Variants in NPIPB2 observed in about 807,000 individuals in gnomAD.
NPIPB2 encodes nuclear pore complex-interacting protein family member B2.
NPIPB2 carries 27 observed loss-of-function variants against 30.8 expected under a neutral mutation model. That is an observed-to-expected ratio of 0.88 (90% CI 0.65 to 1.21). The LOEUF (loss-of-function observed/expected upper bound fraction) is 1.21. Among genes scored for constraint, NPIPB2 ranks in the 50% most tolerant of loss-of-function variants. NPIPB2 has a pLI of 0.00. For missense variants in NPIPB2, 440 were observed against 446.2 expected, an observed-to-expected ratio of 0.99 and a Z score of 0.13; for synonymous variants, 147 against 162.0, an observed-to-expected ratio of 0.91 and a Z score of 0.70.
In NPIPB2 at chr16:11,927,501, T is replaced by TCC; in HGVS notation, c.1064_1065dup (p.Arg356GlyfsTer32). ...GGTGGTGATTCCACCTCAGCGGCCC[T>TCC]CCGCCTCTTGGGTTCGGGTGGTGAT... is the stretch of plus-strand genomic sequence containing the variant. On this transcript the variant is annotated frameshift_variant, in exon 8 of 8. Coordinates refer to ENST00000399147, the Ensembl canonical transcript of NPIPB2. LOFTEE classifies it high-confidence loss of function. 6.6e-7 allele frequency: 1 copy of TCC among 1,512,328 alleles called. No individual in the cohort carries two copies. The highest frequency in any genetic ancestry group is 2.4e-5 in the East Asian group (1 of 42,018). 93.7% of individuals were successfully genotyped at this position (1,512,328 alleles called of 1,614,324 possible).
intron 1 of NPIPB2, among the ~76,000 whole-genome samples, chr16:11,938,383 T>C (rs1814638722): frequency 1.3e-5 from 2 of 151,920 alleles, no homozygotes; most frequent in South Asian, 4.1e-4. Flanking sequence ...CAGGCTGGAG[T>C]GCAGTGGTGT....
intron 1 of NPIPB2, among the ~76,000 whole-genome samples, chr16:11,970,267 C>T (rs2055228040): frequency 6.6e-6 from 1 of 152,082 alleles, no homozygotes; most frequent in South Asian, 2.1e-4. Context: ...GGCTGGAATG[C>T]AGTTGTGCTA....
chr16:11,970,860 C>T (rs552646789), intron 1 of NPIPB2, among the ~76,000 whole-genome samples: 6 of 107,498 alleles, frequency 5.6e-5, no homozygotes, highest in East Asian at 2.9e-4. Context: ...TTACTCGTTT[C>T]TTTTTTTTTT....
upstream of NPIPB2, among the ~76,000 whole-genome samples, chr16:11,943,473 G>A (rs1304293906): frequency 1.3e-5 from 2 of 150,916 alleles, no homozygotes; most frequent in South Asian, 2.1e-4. Flanking sequence ...GGAGGCTGAG[G>A]CAGGCGGATC....
intron 1 of NPIPB2, among the ~76,000 whole-genome samples, chr16:11,960,146 C>T (rs1039429113): frequency 1.3e-5 from 2 of 152,012 alleles, no homozygotes; most frequent in Non-Finnish European, 2.9e-5. Context: ...TTTCTGATGG[C>T]CATAGTCTTC....
chr16:11,971,046 G>A (rs2055232473), intron 1 of NPIPB2, among the ~76,000 whole-genome samples: 1 of 150,672 alleles, frequency 6.6e-6, no homozygotes, highest in Non-Finnish European at 1.5e-5. Flanking sequence ...TAGTAGAGAT[G>A]GAGTTTCGCC....
At chr16:11,944,733 CAAAAAAAAAAAAAA>C (rs56283093), upstream of NPIPB2, among the ~76,000 whole-genome samples, 6 of 46,128 alleles carry the variant, frequency 1.3e-4, no homozygotes, top group Non-Finnish European at 1.7e-4. Flanking sequence ...GACTCCGTGT[CAAAAAAAAAAAAAA>C]AAAAAAAAAA....
intron 1 of NPIPB2, chr16:11,965,474 C>G: frequency 6.2e-7 from 1 of 1,612,412 alleles, no homozygotes; most frequent in East Asian, 2.2e-5. Context: ...ATTGCTTGAA[C>G]GATTATTCAT....
chr16:11,948,419 C>A (rs555534313), intron 1 of NPIPB2, among the ~76,000 whole-genome samples: 1 of 152,036 alleles, frequency 6.6e-6, no homozygotes. Flanking sequence ...TAAATACAAA[C>A]AAGTCTGTAG....
chr16:11,944,807 A>G (rs1033440745), upstream of NPIPB2, among the ~76,000 whole-genome samples: 1 of 151,172 alleles, frequency 6.6e-6, no homozygotes, highest in African/African-American at 2.4e-5. Flanking sequence ...AATAAAATAC[A>G]TTTAGGCCAG....
chr16:11,960,636 G>A (rs139660051), intron 1 of NPIPB2, among the ~76,000 whole-genome samples: 1,781 of 151,738 alleles, frequency 0.012, 70 homozygotes, highest in Admixed American at 0.091. Context: ...GGGATTACAG[G>A]CATGAGCCAT....
At chr16:11,954,723 C>T (rs550337757) in intron 1 of NPIPB2, among the ~76,000 whole-genome samples, 87 of 151,740 alleles carry the variant, frequency 5.7e-4, no homozygotes, top group African/African-American at 1.9e-3. Flanking sequence ...CTGGCTAACA[C>T]GGTGAAACCC....
At chr16:11,960,788 C>G (rs2055147659) in intron 1 of NPIPB2, among the ~76,000 whole-genome samples, 1 of 152,088 alleles carries the variant, frequency 6.6e-6, no homozygotes, top group African/African-American at 2.4e-5. Flanking sequence ...CCTGATCTTC[C>G]TGTAGAATTT....
At chr16:11,934,849 C>A (rs1330458094) in intron 2 of NPIPB2, among the ~76,000 whole-genome samples, 3 of 95,846 alleles carry the variant, frequency 3.1e-5, no homozygotes, top group Non-Finnish European at 7.4e-5. Context: ...CAGAGTGAGA[C>A]TCTGTCTCAA....
At chr16:11,950,476 G>C (rs1276624128) in intron 1 of NPIPB2, among the ~76,000 whole-genome samples, 1 of 152,138 alleles carries the variant, frequency 6.6e-6, no homozygotes, top group Non-Finnish European at 1.5e-5. Context: ...GCTAAGCCTT[G>C]AATTTGAAGA....
At chr16:11,971,297 G>A (rs2055234171) in intron 1 of NPIPB2, among the ~76,000 whole-genome samples, 2 of 152,158 alleles carry the variant, frequency 1.3e-5, no homozygotes, top group Admixed American at 6.6e-5. Context: ...GCCCTCAGGA[G>A]ATTCTGAGAA....
chr16:11,932,259 C>T (rs2054799797), intron 4 of NPIPB2, among the ~76,000 whole-genome samples: 2 of 152,010 alleles, frequency 1.3e-5, no homozygotes, highest in South Asian at 2.1e-4. Flanking sequence ...ACAAGTATCT[C>T]ACATTTAACA....
chr16:11,947,493 C>T (rs1364746899), intron 1 of NPIPB2, among the ~76,000 whole-genome samples: 2 of 151,498 alleles, frequency 1.3e-5, no homozygotes, highest in Non-Finnish European at 2.9e-5. Flanking sequence ...TACAGGCGCA[C>T]GATGCCACGC....
chr16:11,946,416 A>T (rs1284703024), upstream of NPIPB2, among the ~76,000 whole-genome samples: 1 of 151,382 alleles, frequency 6.6e-6, no homozygotes, highest in Non-Finnish European at 1.5e-5. Flanking sequence ...AAAGGTAAAA[A>T]ATTAGCCAGG....
Sources: allele counts gnomAD v4.1 joint callset (sites outside exome capture counted in the v4.1 genomes callset), GRCh38; gene constraint gnomAD v4.1.1; transcripts MANE v1.5; gene names NCBI Gene and HGNC (gene_info 2026-07-23, HGNC 2026-07-21).